Variants in WWP1 observed in about 807,000 individuals in gnomAD.
WWP1 encodes the protein NEDD4-like E3 ubiquitin-protein ligase WWP1.
Under a neutral mutation model 130.6 loss-of-function variants are expected in WWP1, and 49 were observed. The observed-to-expected ratio is 0.38, with a 90% CI of 0.30 to 0.48. The LOEUF (loss-of-function observed/expected upper bound fraction) is 0.48, where lower values mean the gene tolerates loss of function less well. WWP1 is among the 20% of genes least tolerant of loss of function. WWP1 has a pLI of 0.99. For synonymous variants in WWP1, 332 were observed against 367.8 expected (o/e 0.90, Z 1.11); for missense variants, 809 against 1,100.6 (o/e 0.74, Z 3.75).
chr8:86,390,821 T>C lies in WWP1; in HGVS notation c.335-7521T>C, dbSNP rs149590615. ...ATAGTAGGAACCCAATAGTCTACCA[T>C]ATCAGAATAGATTTTGCAGTTATTG... On this transcript the variant is annotated intron_variant, in intron 5 of 24. Coordinates refer to ENST00000517970, the MANE Select transcript of WWP1 (RefSeq NM_007013.4). 9.8e-3 allele frequency among the ~76,000 whole-genome samples: 1,498 copies of C among 152,248 alleles called. 28 individuals carry two copies. The highest frequency in any genetic ancestry group is 0.034 in the African/African-American group (1,428 of 41,538).
intron 9 of WWP1, among the ~76,000 whole-genome samples, chr8:86,421,725 G>C (rs1468638195): frequency 6.6e-6 from 1 of 152,068 alleles, no homozygotes; most frequent in East Asian, 1.9e-4. Flanking sequence ...TTGGGAGGCT[G>C]AGACAGGAGA....
At chr8:86,386,705 G>C (rs1825307862) in intron 5 of WWP1, 1 of 152,106 alleles carries the variant, frequency 6.6e-6, no homozygotes, top group African/African-American at 2.4e-5. Flanking sequence ...TGTAACTGAA[G>C]AAACTTTGAG....
chr8:86,361,981 T>TATATATATACACATATATATACACAC (rs1327107967), intron 1 of WWP1, among the ~76,000 whole-genome samples: 362 of 141,402 alleles, frequency 2.6e-3, no homozygotes, highest in African/African-American at 8.6e-3. Flanking sequence ...TGTGTATATA[T>TATATATATACACATATATATACACAC]ATATATATAT....
At chr8:86,379,631 T>C (rs1824868115) in intron 3 of WWP1, among the ~76,000 whole-genome samples, 1 of 152,180 alleles carries the variant, frequency 6.6e-6, no homozygotes, top group African/African-American at 2.4e-5. Flanking sequence ...ATCTCAGGTA[T>C]ATTAGATTTT....
chr8:86,460,490 G>GT lies in WWP1; in HGVS notation c.2500-733dup, dbSNP rs538090816. Among the ~76,000 whole-genome samples, 471 of 152,246 alleles carry GT rather than the reference G, an allele frequency of 3.1e-3. 2 individuals are homozygous for GT. Among genetic ancestry groups the GT allele is most frequent in the African/African-American group, 0.011 (449 of 41,554 alleles). ...ATTCTACCTATCTCATAGAATTGTTGTGAGAACTAAATCCATGAAAACCAG... is the reference window on the plus strand; with the variant it reads ...ATTCTACCTATCTCATAGAATTGTTGTTGAGAACTAAATCCATGAAAACCAG... On this transcript the variant is annotated intron_variant, in intron 22 of 24. Coordinates refer to ENST00000517970, the MANE Select transcript of WWP1 (RefSeq NM_007013.4).
intron 3 of WWP1, among the ~76,000 whole-genome samples, chr8:86,378,748 TTGAG>T (rs1263340255): frequency 1.3e-5 from 2 of 152,168 alleles, no homozygotes; most frequent in African/African-American, 2.4e-5. Context: ...TCTAGTATTG[TTGAG>T]TATTTTGCCA....
rs185559271 is a variant in WWP1 at position 86,392,614 on chromosome 8, A to G, written c.335-5728A>G. 2.5e-3 allele frequency among the ~76,000 whole-genome samples: 379 copies of G among 152,330 alleles called. 1 individual carries two copies. The highest frequency in any genetic ancestry group is 4.5e-3 in the Admixed American group (69 of 15,300). On this transcript the variant is annotated intron_variant, in intron 5 of 24. Transcript: ENST00000517970. ...AATGGTGGGGAAATACAGCAGAGAA[A>G]TGTATCATTTGTGGTACTGGACAGA...
At chr8:86,389,152 G>A (rs1020366263) in intron 5 of WWP1, among the ~76,000 whole-genome samples, 16 of 150,124 alleles carry the variant, frequency 1.1e-4, no homozygotes, top group Non-Finnish European at 2.1e-4. Flanking sequence ...AGAATATGTG[G>A]TTTCTTTTTT....
intron 17 of WWP1, chr8:86,442,140 G>T (rs1418399638): frequency 6.6e-6 from 1 of 152,610 alleles, no homozygotes; most frequent in Non-Finnish European, 1.5e-5. Context: ...TAGAGTGCTT[G>T]TAAGAGTTAA....
intron 14 of WWP1, among the ~76,000 whole-genome samples, chr8:86,433,844 G>A (rs1355608695): frequency 6.6e-6 from 1 of 152,086 alleles, no homozygotes; most frequent in Non-Finnish European, 1.5e-5. Context: ...CTTGAACCCA[G>A]GAGGCAGAGG....
chr8:86,362,349 G>A (rs1266570806), intron 1 of WWP1, among the ~76,000 whole-genome samples: 1 of 150,940 alleles, frequency 6.6e-6, no homozygotes, highest in Admixed American at 6.6e-5. Flanking sequence ...GGGAGAGAAT[G>A]GAGGCCACAT....
At chr8:86,406,719 A>T (rs1275510741) in intron 8 of WWP1, among the ~76,000 whole-genome samples, 2 of 152,164 alleles carry the variant, frequency 1.3e-5, no homozygotes, top group African/African-American at 4.8e-5. Context: ...ATGTACCACC[A>T]GTTCAATCCA....
chr8:86,465,470 A>G (rs908946397), intron 24 of WWP1, among the ~76,000 whole-genome samples: 1 of 152,132 alleles, frequency 6.6e-6, no homozygotes. Flanking sequence ...AAAAAAAAAT[A>G]CAAAAGTTAG....
In WWP1 at chr8:86,438,593, A is replaced by C; in HGVS notation, c.1758A>C (p.Ala586=). 6.2e-7 allele frequency: 1 copy of C among 1,602,446 alleles called. No individual in the cohort carries two copies. Among genetic ancestry groups the C allele is most frequent in the Non-Finnish European group, 8.5e-7 (1 of 1,177,086 alleles). ...TTTTTGTTTTTAATTAGATTATGGCATTAAAACCCTATGACTTGAGGAGGC... is the reference window on the plus strand; with the variant it reads ...TTTTTGTTTTTAATTAGATTATGGCCTTAAAACCCTATGACTTGAGGAGGC... ...LFEDSFQQIM[A]LKPYDLRRRL... The change falls in exon 17 of 25, where the codon GCA becomes GCC. Residue 586 remains alanine, a synonymous_variant. Transcript: ENST00000517970.
At chr8:86,370,361 G>A (rs1163638174) in intron 2 of WWP1, among the ~76,000 whole-genome samples, 1 of 152,088 alleles carries the variant, frequency 6.6e-6, no homozygotes, top group East Asian at 1.9e-4. Flanking sequence ...ACTTATTTTT[G>A]GACTCTGTAG....
intron 9 of WWP1, among the ~76,000 whole-genome samples, chr8:86,419,221 C>G (rs1470017362): frequency 6.6e-6 from 1 of 152,152 alleles, no homozygotes; most frequent in Non-Finnish European, 1.5e-5. Context: ...AGTTCAAGAC[C>G]AGCTTGGCCA....
rs1469603637 is a variant in WWP1, at chr8:86,411,784, T to C, written c.971T>C (p.Phe324Ser). The C allele has an allele frequency of 6.2e-7, 1 of 1,614,150 alleles. No individual in the cohort carries two copies. The highest frequency in any genetic ancestry group is 1.3e-5 in the African/African-American group (1 of 75,052). Residue 324 changes from phenylalanine (F) to serine (S), a missense_variant, in exon 9 of 25, where the codon TTT becomes TCT. Phe to Ser is a radical substitution (Grantham distance 155). This residue lies in a region of WWP1 where 97 missense variants were observed against 80.4 expected (regional missense o/e 1.21). Transcript: ENST00000517970. ...DTSNSRSSSA[F>S]EAAKSRQPDG... ...TCTAATTCTAGAAGTAGTTCTGCTT[T>C]TGAAGCAGCCAAATCAAGACAGCCA...
chr8:86,462,494 C>T (rs895190761), intron 24 of WWP1, among the ~76,000 whole-genome samples: 2 of 152,020 alleles, frequency 1.3e-5, no homozygotes, highest in African/African-American at 2.4e-5. Context: ...TTATGTACAG[C>T]GTTATAGGCT....
intron 5 of WWP1, among the ~76,000 whole-genome samples, chr8:86,381,973 TG>T (rs1184262931): frequency 6.6e-6 from 1 of 152,118 alleles, no homozygotes; most frequent in Non-Finnish European, 1.5e-5. Context: ...CAATTTTATT[TG>T]GGTAAAATAA....
Sources: allele counts gnomAD v4.1 joint callset (sites outside exome capture counted in the v4.1 genomes callset), GRCh38; gene constraint gnomAD v4.1.1; regional missense constraint gnomAD v4.1.1; transcripts MANE v1.5; gene names NCBI Gene and HGNC (gene_info 2026-07-23, HGNC 2026-07-21).